EPRS1: variants seen among roughly 807,000 people sequenced by gnomAD.
The protein encoded by EPRS1 is bifunctional glutamate/proline--tRNA ligase.
In EPRS1, 107 loss-of-function variants were observed where a neutral mutation model predicts 188.3. The observed-to-expected ratio is 0.57, with a 90% CI of 0.49 to 0.67. The LOEUF is 0.67. Ranked by LOEUF, EPRS1 falls within the 30% of genes least tolerant of loss-of-function variation. EPRS1 has a pLI of 0.00. For synonymous variants in EPRS1, 596 were observed against 593.1 expected (o/e 1.00, Z -0.07); for missense variants, 1,577 against 1,802.2 (o/e 0.88, Z 2.26).
rs145928787 is a variant in EPRS1, at chr1:219,987,321, C to G, written c.2859G>C (p.Val953=). 3.7e-6 allele frequency: 6 copies of G among 1,613,994 alleles called. No homozygotes were observed. The Admixed American group carries it at 8.3e-5, about 22-fold the overall frequency. ...KSLIGVEYKP[V]SATGAEDKDK... ...CTTTGTCCTCAGCTCCAGTGGCCGA[C>G]ACAGGCTTATACTCTACTCCTATCA... Residue 953 remains valine (V), a synonymous_variant, in exon 20 of 32, where the codon GTG becomes GTC. Transcript: ENST00000366923.
chr1:220,030,394 C>A lies in EPRS1; in HGVS notation c.615G>T (p.Glu205Asp). ...GAGTTACATTTTCTTACCCACTGGCCTCTGGAGGAAATCTGACGGTAACCT... is the reference window on the plus strand; with the variant it reads ...GAGTTACATTTTCTTACCCACTGGCATCTGGAGGAAATCTGACGGTAACCT... The part of the protein sequence containing the change: ...MGKVTVRFPP[E>D]ASGYLHIGHA... The change falls in exon 6 of 32, where the codon GAG becomes GAT. Residue 205 changes from glutamate to aspartate, a missense_variant. Transcript: ENST00000366923. 6.2e-7 allele frequency: 1 copy of A among 1,611,074 alleles called. No homozygotes were observed. The highest frequency in any genetic ancestry group is 8.5e-7 in the Non-Finnish European group (1 of 1,177,322).
intron 18 of EPRS1, among the ~76,000 whole-genome samples, chr1:219,995,449 A>T (rs1000704206): frequency 1.3e-5 from 2 of 152,228 alleles, no homozygotes; most frequent in Non-Finnish European, 2.9e-5. Flanking sequence ...CCTAAAAAGG[A>T]GTACATATTT....
intron 17 of EPRS1, among the ~76,000 whole-genome samples, chr1:219,999,411 G>C (rs1643657962): frequency 6.6e-6 from 1 of 151,626 alleles, no homozygotes; most frequent in African/African-American, 2.4e-5. Context: ...TCCTGAATCT[G>C]AGAAAGCTTG....
At chr1:219,982,870 A>G in intron 22 of EPRS1, 26 bp from the exon 23 acceptor site, 2 of 1,607,190 alleles carry the variant, frequency 1.2e-6, no homozygotes, top group Non-Finnish European at 1.7e-6. Flanking sequence ...CATTTTTCAT[A>G]CTTTTTTTTC....
intron 16 of EPRS1, among the ~76,000 whole-genome samples, chr1:220,001,932 G>A (rs2102577374): frequency 6.6e-6 from 1 of 152,098 alleles, no homozygotes; most frequent in African/African-American, 2.4e-5. Context: ...CAGAGGCTGA[G>A]GCAGGAGAAT....
intron 18 of EPRS1, among the ~76,000 whole-genome samples, chr1:219,994,662 T>C (rs1172798307): frequency 1.6e-4 from 8 of 51,352 alleles, no homozygotes; most frequent in Admixed American, 6.3e-4. Flanking sequence ...TTTTTTTTTT[T>C]TTTTTTTTGA....
Position 220,024,226 on chromosome 1 carries a change from T to C in EPRS1, c.943+38A>G, listed in dbSNP as rs1401206082. The stretch of plus-strand genomic sequence containing the variant: ...CACGTTCTACTAAAGAAGCACAATA[T>C]AAGAATATCAATTAAAATATAAAAC... On this transcript the variant is annotated intron_variant, in intron 8 of 31. Transcript: ENST00000366923. 7 of 1,345,200 alleles carry C rather than the reference T, an allele frequency of 5.2e-6. No homozygotes were observed. In the South Asian group the frequency reaches 1.0e-4, roughly 19 times the overall value. 83.3% of individuals were successfully genotyped at this position (1,345,200 alleles called of 1,614,324 possible).
chr1:220,035,096 G>A (rs111601991), intron 2 of EPRS1, 83 bp from the exon 3 acceptor site: 20 of 683,406 alleles, frequency 2.9e-5, no homozygotes, highest in African/African-American at 2.6e-4. Context: ...ATGTAAAAAT[G>A]GAAACTTTAT....
intron 3 of EPRS1, among the ~76,000 whole-genome samples, chr1:220,034,521 G>GA (rs1475638927): frequency 6.6e-6 from 1 of 152,148 alleles, no homozygotes; most frequent in Non-Finnish European, 1.5e-5. Context: ...AGAAAGAAAA[G>GA]AAAATGGGAT....
At chr1:220,029,088 C>T (rs2577145) in intron 6 of EPRS1, among the ~76,000 whole-genome samples, 121,947 of 152,018 alleles carry the variant, frequency 0.8, 49,084 homozygotes, top group East Asian at 0.93. Flanking sequence ...GTTCAAGTGG[C>T]GCAGCTAAAA....
At chr1:220,015,721 C>T (rs116478717) in intron 12 of EPRS1, among the ~76,000 whole-genome samples, 2,951 of 152,102 alleles carry the variant, frequency 0.019, 87 homozygotes, top group African/African-American at 0.06. Context: ...TCATCCCATC[C>T]TCCCCTTGTC....
At chr1:220,019,958 C>A (rs775723091) in intron 10 of EPRS1, 30 bp downstream of exon 10, 2 of 1,470,848 alleles carry the variant, frequency 1.4e-6, no homozygotes, top group East Asian at 4.5e-5. Context: ...GTCCTTACTT[C>A]TTGTCAATTC....
At chr1:219,971,640 A>T (rs4536003) in intron 30 of EPRS1, among the ~76,000 whole-genome samples, 69,061 of 150,680 alleles carry the variant, frequency 0.46, 15,936 homozygotes, top group South Asian at 0.52. Flanking sequence ...AATAAAGAAA[A>T]AAGGAGACAT....
rs113274647 is a variant in EPRS1 at position 220,022,784 on chromosome 1, G to A, written c.944-266C>T. ...ATTCCACTCATGTGGTATCAATTAA[G>A]CATAAGAAAAAGTACAAGGCCTGAA... On this transcript the variant is annotated intron_variant, in intron 8 of 31. Transcript: ENST00000366923. 5.3e-3 allele frequency among the ~76,000 whole-genome samples: 812 copies of A among 152,290 alleles called. 7 individuals carry two copies. Among genetic ancestry groups the A allele is most frequent in the African/African-American group, 0.019 (788 of 41,562 alleles).
rs778762650 is a variant in EPRS1, at chr1:220,030,477, G to T, written c.532C>A (p.Pro178Thr). The T allele has an allele frequency of 6.2e-7, 1 of 1,613,252 alleles. No individual in the cohort carries two copies. Residue 178 changes from proline to threonine, a missense_variant, in exon 6 of 32, where the codon CCT becomes ACT. Physicochemically the swap from Pro to Thr is conservative, Grantham distance 38. Coordinates refer to ENST00000366923, the MANE Select transcript of EPRS1 (RefSeq NM_004446.3). Reference sequence around the variant, plus strand: ...TTCCCAACATCTTGCTTTTTCTCAGGTGCCTGAAAAACACAACCACCATCA... The same window carrying T: ...TTCCCAACATCTTGCTTTTTCTCAGTTGCCTGAAAAACACAACCACCATCA... Reference protein sequence around the residue: ...DVSTTKARVAPEKKQDVGKFV... With the variant: ...DVSTTKARVATEKKQDVGKFV...
chr1:220,017,111 G>T (rs1661732436), intron 12 of EPRS1, among the ~76,000 whole-genome samples: 1 of 152,068 alleles, frequency 6.6e-6, no homozygotes, highest in Admixed American at 6.5e-5. Flanking sequence ...TACTCAAGAG[G>T]CTGAGGCAGG....
intron 17 of EPRS1, among the ~76,000 whole-genome samples, chr1:219,998,281 T>C (rs1661274805): frequency 6.6e-6 from 1 of 152,134 alleles, no homozygotes; most frequent in African/African-American, 2.4e-5. Flanking sequence ...CAAGACATCT[T>C]TACCTAGACA....
Position 220,032,381 on chromosome 1 carries a change from G to C in EPRS1, c.528+6C>G, listed in dbSNP as rs1450648077. Reference sequence around the variant, plus strand: ...TTTTTTTAAAAAAAAAGAAAAAAAGGCTTACCACTCGAGCTTTGGTTGTTG... The same window carrying C: ...TTTTTTTAAAAAAAAAGAAAAAAAGCCTTACCACTCGAGCTTTGGTTGTTG... On this transcript the variant is annotated splice_donor_region_variant and intron_variant, in intron 5 of 31. Transcript: ENST00000366923. 1 of 1,579,644 alleles carries C rather than the reference G, an allele frequency of 6.3e-7. No individual in the cohort carries two copies. Among genetic ancestry groups the C allele is most frequent in the Non-Finnish European group, 8.5e-7 (1 of 1,170,564 alleles).
At chr1:219,973,439 C>T (rs1366256796) in intron 28 of EPRS1, 41 bp from the exon 29 acceptor site, 1 of 1,438,494 alleles carries the variant, frequency 7.0e-7, no homozygotes, top group South Asian at 1.3e-5. Context: ...ATATGAATGT[C>T]TCCAGTTGAA....
Sources: gnomAD v4.1 joint callset for allele counts (sites outside exome capture counted in the v4.1 genomes callset) on GRCh38, gnomAD v4.1.1 for gene constraint, MANE v1.5 for transcripts, NCBI Gene and HGNC (gene_info 2026-07-23, HGNC 2026-07-21) for gene names.